ELF1: variants seen among roughly 807,000 people sequenced by gnomAD.
ELF1 encodes ETS-related transcription factor Elf-1.
In ELF1, 24 loss-of-function variants were observed where a neutral mutation model predicts 59.9. The observed-to-expected ratio is 0.40, with a 90% confidence interval of 0.29 to 0.56. The LOEUF is 0.56. Among genes scored for constraint, ELF1 ranks in the 20% least tolerant of loss-of-function variants. ELF1 has a pLI of 0.44. For synonymous variants in ELF1, 248 were observed against 266.2 expected, an observed-to-expected ratio of 0.93 and a Z score of 0.67; for missense variants, 627 against 742.2, an observed-to-expected ratio of 0.84 and a Z score of 1.80.
chr13:40,979,981 G>A (rs562296437), intron 2 of ELF1, among the ~76,000 whole-genome samples: 57 of 152,238 alleles, frequency 3.7e-4, no homozygotes, highest in African/African-American at 1.2e-3. Flanking sequence ...CAGGGAGGTA[G>A]AGCCCCAGGT....
chr13:41,048,370 C>T (rs760345938), intron 1 of ELF1, among the ~76,000 whole-genome samples: 12 of 152,212 alleles, frequency 7.9e-5, no homozygotes, highest in Admixed American at 3.3e-4. Context: ...GCGTCACTCA[C>T]GCTGAGAGCT....
Position 40,934,036 on chromosome 13 carries a change from G to C in ELF1, c.1257-8C>G. The C allele has an allele frequency of 6.3e-7, 1 of 1,591,014 alleles. No homozygotes were observed. The highest frequency in any genetic ancestry group is 8.6e-7 in the Non-Finnish European group (1 of 1,166,586). Reference sequence around the variant, plus strand: ...GTTGGAGCCTGTATAGTCCTATTGAGATGATGAAATTAAAGTGAGACAATT... The same window carrying C: ...GTTGGAGCCTGTATAGTCCTATTGACATGATGAAATTAAAGTGAGACAATT... On this transcript the variant is annotated splice_region_variant and splice_polypyrimidine_tract_variant and intron_variant, in intron 8 of 8. Transcript: ENST00000239882.
chr13:40,971,125 A>G (rs960767609), intron 2 of ELF1, among the ~76,000 whole-genome samples: 3 of 152,248 alleles, frequency 2.0e-5, no homozygotes, highest in Non-Finnish European at 2.9e-5. Context: ...TAAACTACTT[A>G]GAATTTATTA....
At chr13:41,052,891 C>T (rs1877140189) in intron 1 of ELF1, among the ~76,000 whole-genome samples, 1 of 152,156 alleles carries the variant, frequency 6.6e-6, no homozygotes, top group Admixed American at 6.5e-5. Context: ...CTTACAATTA[C>T]ACAGCACTGT....
intron 1 of ELF1, among the ~76,000 whole-genome samples, chr13:41,035,429 C>T (rs189154725): frequency 6.6e-6 from 1 of 151,942 alleles, no homozygotes; most frequent in African/African-American, 2.4e-5. Context: ...CCTTTTCCAC[C>T]CAATTGAACC....
At chr13:41,005,395 T>A (rs1874683515) in intron 1 of ELF1, among the ~76,000 whole-genome samples, 1 of 123,306 alleles carries the variant, frequency 8.1e-6, no homozygotes, top group Non-Finnish European at 1.6e-5. Context: ...TTTACATAAG[T>A]AACACTTGAC....
chr13:40,950,410 A>G (rs1173466621), intron 4 of ELF1, among the ~76,000 whole-genome samples: 1 of 152,168 alleles, frequency 6.6e-6, no homozygotes, highest in East Asian at 1.9e-4. Flanking sequence ...TTCCAAACCT[A>G]CCTTTCCAAT....
At chr13:40,950,228 A>G (rs1294370645) in intron 4 of ELF1, among the ~76,000 whole-genome samples, 1 of 152,174 alleles carries the variant, frequency 6.6e-6, no homozygotes, top group African/African-American at 2.4e-5. Context: ...GATTATTCAC[A>G]TTGCTGTGAG....
chr13:40,992,779 A>G, intron 1 of ELF1: 4 of 310,320 alleles, frequency 1.3e-5, no homozygotes, highest in Non-Finnish European at 2.4e-5. Flanking sequence ...AAAAGATGTT[A>G]CTTGGGGCTG....
intron 1 of ELF1, chr13:40,983,008 A>T (rs1463027402): frequency 3.6e-6 from 1 of 274,268 alleles, no homozygotes; most frequent in African/African-American, 2.3e-5. Flanking sequence ...TTACAATAGT[A>T]GAAAAACAGA....
At chr13:40,957,656 CT>C (rs1215885115) in intron 3 of ELF1, among the ~76,000 whole-genome samples, 1 of 152,148 alleles carries the variant, frequency 6.6e-6, no homozygotes, top group Admixed American at 6.5e-5. Flanking sequence ...CCCAGCCATG[CT>C]TCCTGTACAG....
intron 3 of ELF1, among the ~76,000 whole-genome samples, chr13:40,957,323 CCAAGATCTATGCCTGATG>C (rs1337587183): frequency 7.5e-6 from 1 of 132,550 alleles, no homozygotes; most frequent in East Asian, 2.0e-4. Flanking sequence ...CTTTCCTGTC[CCAAGATCTATGCCTGATG>C]TGTAAATTCA....
intron 1 of ELF1, among the ~76,000 whole-genome samples, chr13:41,038,988 G>A (rs903512004): frequency 6.8e-6 from 1 of 147,452 alleles, no homozygotes; most frequent in African/African-American, 2.5e-5. Flanking sequence ...ACTCCAGTCT[G>A]GGTGACAGAG....
chr13:40,978,651 G>C (rs1184087498), intron 2 of ELF1, among the ~76,000 whole-genome samples: 4 of 151,800 alleles, frequency 2.6e-5, no homozygotes, highest in African/African-American at 7.3e-5. Context: ...TTCCCACTGG[G>C]CAAAAGGATA....
intron 1 of ELF1, among the ~76,000 whole-genome samples, chr13:41,048,382 T>A (rs1384669654): frequency 6.6e-6 from 1 of 152,194 alleles, no homozygotes; most frequent in Non-Finnish European, 1.5e-5. Flanking sequence ...CTGAGAGCTG[T>A]AGACTGGAGC....
chr13:40,971,827 A>G (rs1566176233), intron 2 of ELF1, among the ~76,000 whole-genome samples: 1 of 152,212 alleles, frequency 6.6e-6, no homozygotes, highest in Non-Finnish European at 1.5e-5. Context: ...AGAGTCAATG[A>G]GAATGATCTG....
chr13:41,059,237 G>A (rs917000735), intron 1 of ELF1, among the ~76,000 whole-genome samples: 1 of 152,234 alleles, frequency 6.6e-6, no homozygotes, highest in South Asian at 2.1e-4. Context: ...TCTAAAGCCA[G>A]AGAACAGAGA....
intron 7 of ELF1, 50 bp downstream of exon 7, chr13:40,942,898 TACAA>T: frequency 1.4e-6 from 2 of 1,424,356 alleles, no homozygotes; most frequent in Non-Finnish European, 1.9e-6. Flanking sequence ...TATTTTTTTT[TACAA>T]TTTAGAAAAT....
chr13:40,985,373 A>AT (rs566565025), intron 1 of ELF1, among the ~76,000 whole-genome samples: 1 of 152,180 alleles, frequency 6.6e-6, no homozygotes, highest in Non-Finnish European at 1.5e-5. Context: ...CAATGATTCC[A>AT]TTTTTAATTA....
Sources: allele counts gnomAD v4.1 joint callset (sites outside exome capture counted in the v4.1 genomes callset), GRCh38; gene constraint gnomAD v4.1.1; transcripts MANE v1.5; gene names NCBI Gene and HGNC (gene_info 2026-07-23, HGNC 2026-07-21).